MIOS: variants seen among roughly 807,000 people sequenced by gnomAD.
The protein encoded by MIOS is meiosis regulator for oocyte development, also known as GATOR2 complex protein MIOS.
Under a neutral mutation model 96.9 loss-of-function variants are expected in MIOS, and 52 were observed. The ratio of observed to expected loss-of-function variants is 0.54; its 90% CI spans 0.43 to 0.68. The LOEUF is 0.68. MIOS is among the 30% of genes least tolerant of loss of function. MIOS has a pLI of 0.00. For missense variants in MIOS, 1,005 were observed against 1,052.8 expected, an observed-to-expected ratio of 0.95 and a Z score of 0.63; for synonymous variants, 397 against 359.5, an observed-to-expected ratio of 1.10 and a Z score of -1.18.
Position 7,607,336 on chromosome 7 carries a change from T to G in MIOS, c.*244T>G. ...TGTTCAGCAGGTTGAAAAGTCTGAT[T>G]TAGAAAAACTTTCTAAGTTTTGGTT... is the stretch of plus-strand genomic sequence containing the variant. On this transcript the variant is annotated 3_prime_UTR_variant, in exon 13 of 13. Transcript: ENST00000340080. The G allele has an allele frequency of 3.3e-6, 1 of 302,348 alleles. No individual in the cohort carries two copies. Among genetic ancestry groups the G allele is most frequent in the Non-Finnish European group, 6.0e-6 (1 of 165,898 alleles). 18.7% of individuals were successfully genotyped at this position (302,348 alleles called of 1,614,324 possible).
chr7:7,594,196 A>G (rs1413372393), intron 9 of MIOS, among the ~76,000 whole-genome samples: 1 of 152,198 alleles, frequency 6.6e-6, no homozygotes, highest in Non-Finnish European at 1.5e-5. Context: ...GGTTTAACTT[A>G]CAGATAAGTA....
At chr7:7,602,023 C>T (rs1784393735) in intron 11 of MIOS, among the ~76,000 whole-genome samples, 1 of 152,216 alleles carries the variant, frequency 6.6e-6, no homozygotes, top group Non-Finnish European at 1.5e-5. Context: ...AATTCAACAA[C>T]CCTTCATGCT....
intron 9 of MIOS, among the ~76,000 whole-genome samples, chr7:7,594,528 C>G (rs1784147702): frequency 6.6e-6 from 1 of 152,242 alleles, no homozygotes; most frequent in Admixed American, 6.5e-5. Context: ...CTCCTGACGT[C>G]AAGTGATCCG....
At chr7:7,568,457 C>G (rs1317069703) in intron 3 of MIOS, among the ~76,000 whole-genome samples, 1 of 152,056 alleles carries the variant, frequency 6.6e-6, no homozygotes, top group Admixed American at 6.5e-5. Context: ...GAGCAAGGAA[C>G]TGTTTATCCT....
At chr7:7,574,429 AATCT>A (rs1783461455) in intron 5 of MIOS, among the ~76,000 whole-genome samples, 1 of 152,070 alleles carries the variant, frequency 6.6e-6, no homozygotes, top group East Asian at 1.9e-4. Context: ...GATCTTCTTA[AATCT>A]ATCCACACGT....
At chr7:7,582,113 A>C (rs910793259) in intron 5 of MIOS, among the ~76,000 whole-genome samples, 7 of 152,188 alleles carry the variant, frequency 4.6e-5, no homozygotes, top group Non-Finnish European at 8.8e-5. Flanking sequence ...TCTGCTGTTG[A>C]TCTAGTTATT....
chr7:7,600,950 C>A (rs1205046927), intron 11 of MIOS, among the ~76,000 whole-genome samples: 1 of 152,134 alleles, frequency 6.6e-6, no homozygotes, highest in Non-Finnish European at 1.5e-5. Flanking sequence ...AACTGAACAA[C>A]GTGCTCCTGA....
chr7:7,605,899 A>G (rs766093833), intron 11 of MIOS, 43 bp from the exon 12 acceptor site: 22 of 1,541,030 alleles, frequency 1.4e-5, no homozygotes, highest in Non-Finnish European at 1.8e-5. Flanking sequence ...TTTAAATAAA[A>G]TATTATGATA....
At chr7:7,598,463 T>G (rs1340294931) in intron 11 of MIOS, among the ~76,000 whole-genome samples, 1 of 152,236 alleles carries the variant, frequency 6.6e-6, no homozygotes, top group Non-Finnish European at 1.5e-5. Context: ...ATTTTAGTTT[T>G]GATTTAAATT....
At chr7:7,584,753 TAA>T (rs1783833024) in intron 6 of MIOS, among the ~76,000 whole-genome samples, 1 of 152,126 alleles carries the variant, frequency 6.6e-6, no homozygotes, top group Non-Finnish European at 1.5e-5. Flanking sequence ...AGAAAATACT[TAA>T]AAGTCAAAGT....
intron 5 of MIOS, among the ~76,000 whole-genome samples, chr7:7,579,254 T>C (rs564274225): frequency 6.6e-6 from 1 of 152,280 alleles, no homozygotes; most frequent in South Asian, 2.1e-4. Flanking sequence ...ATTCTGATAA[T>C]CAACTGTAGC....
chr7:7,585,945 T>C (rs1783873480), intron 7 of MIOS, 140 bp downstream of exon 7: 3 of 640,372 alleles, frequency 4.7e-6, no homozygotes, highest in East Asian at 3.6e-5. Context: ...CATCTTGGGC[T>C]TTTTTTTTGA....
intron 3 of MIOS, among the ~76,000 whole-genome samples, chr7:7,568,632 G>T (rs896030911): frequency 2.0e-5 from 3 of 152,186 alleles, no homozygotes; most frequent in African/African-American, 7.2e-5. Context: ...TCACTGTCTG[G>T]ACATTGTAAA....
In MIOS at chr7:7,572,557, T is replaced by G; in HGVS notation, c.82T>G (p.Tyr28Asp). Reference sequence around the variant, plus strand: ...TGTGTGTGACTCAGAACTAAGTCTTTATCATGTGGAATCTACTGTGAATTC... The same window carrying G: ...TGTGTGTGACTCAGAACTAAGTCTTGATCATGTGGAATCTACTGTGAATTC... ...FVVCDSELSL[Y>D]HVESTVNSEL... The change falls in exon 4 of 13, where the codon TAT becomes GAT. Residue 28 changes from tyrosine (Y) to aspartate (D), a missense_variant. Tyr to Asp is a radical substitution (Grantham distance 160). Around this residue, in one of 3 missense-constraint regions of MIOS, gnomAD observed 137 missense variants for 148.6 expected, o/e 0.92. Transcript: ENST00000340080. The surrounding 1 kb of genome is among the most constrained non-coding windows in gnomAD (Gnocchi z 4.8). 6.2e-7 allele frequency: 1 copy of G among 1,614,130 alleles called. No individual in the cohort carries two copies. Among genetic ancestry groups the G allele is most frequent in the Non-Finnish European group, 8.5e-7 (1 of 1,179,986 alleles).
intron 7 of MIOS, among the ~76,000 whole-genome samples, chr7:7,586,768 G>C (rs1011010872): frequency 2.0e-5 from 3 of 151,862 alleles, no homozygotes; most frequent in Non-Finnish European, 4.4e-5. Context: ...ATAATGTTAG[G>C]ACTTTATTTT....
At position 7,583,340 on chromosome 7, in the gene MIOS, A is replaced by G. The variant is rs759882781; in HGVS notation, c.1616A>G (p.Gln539Arg). 46 of 1,611,488 alleles carry G rather than the reference A, an allele frequency of 2.9e-5. No homozygotes were observed. The African/African-American group carries it at 5.1e-4, about 18-fold the overall frequency. ...AACTTGGATATTCGCCGAGCAATCC[A>G]AATCCTGAATGAAGGGGCATCTTCT... ...LFNLDIRRAI[Q>R]ILNEGASSEK... Residue 539 changes from glutamine (Q) to arginine (R), a missense_variant, in exon 6 of 13, where the codon CAA (glutamine) becomes CGA (arginine). Around this residue, in one of 3 missense-constraint regions of MIOS, gnomAD observed 865 missense variants for 887.9 expected, o/e 0.97. Transcript: ENST00000340080.
chr7:7,606,596 A>G (rs1784537545), intron 12 of MIOS, among the ~76,000 whole-genome samples: 1 of 152,208 alleles, frequency 6.6e-6, no homozygotes, highest in Admixed American at 6.5e-5. Context: ...CTCTGAGCAC[A>G]TCCCTGTCAC....
intron 7 of MIOS, among the ~76,000 whole-genome samples, chr7:7,587,171 G>A (rs1438855964): frequency 2.6e-5 from 4 of 151,682 alleles, no homozygotes; most frequent in African/African-American, 9.7e-5. Flanking sequence ...CCACCATGCC[G>A]GCTAATTTTT....
chr7:7,588,578 A>C lies in MIOS; in HGVS notation c.1884+15A>C. The C allele has an allele frequency of 6.5e-7, 1 of 1,542,086 alleles. No homozygotes were observed. The highest frequency in any genetic ancestry group is 2.3e-5 in the East Asian group (1 of 43,472). Reference sequence around the variant, plus strand: ...GTGATACTCAGGTGAAAACTGATTTAATTCCACATTTGAAGTAATTAATAT... The same window carrying C: ...GTGATACTCAGGTGAAAACTGATTTCATTCCACATTTGAAGTAATTAATAT... On this transcript the variant is annotated intron_variant, in intron 8 of 12. Coordinates refer to ENST00000340080, the MANE Select transcript of MIOS (RefSeq NM_019005.4).
Sources: allele counts gnomAD v4.1 joint callset (sites outside exome capture counted in the v4.1 genomes callset), GRCh38; gene constraint gnomAD v4.1.1; regional missense constraint gnomAD v4.1.1; non-coding constraint Gnocchi (gnomAD v3.1); transcripts MANE v1.5; gene names NCBI Gene and HGNC (gene_info 2026-07-23, HGNC 2026-07-21).